Variants in LINGO2 observed in about 807,000 individuals in gnomAD.
LINGO2 encodes the protein leucine rich repeat and Ig domain containing 2.
A neutral mutation model predicts 30.6 loss-of-function variants in LINGO2; 14 were observed. The ratio of observed to expected loss-of-function variants is 0.46; its 90% CI spans 0.30 to 0.72. The LOEUF (loss-of-function observed/expected upper bound fraction) is 0.72. Among genes scored for constraint, LINGO2 ranks in the 30% least tolerant of loss-of-function variants. The pLI, the probability that LINGO2 is intolerant of heterozygous loss-of-function variation, is 0.07. For synonymous variants in LINGO2, 317 were observed against 288.5 expected (o/e 1.10, Z -1.00); for missense variants, 729 against 751.7 (o/e 0.97, Z 0.35).
chr9:29,023,392 A>G, the LINGO2 span, among the ~76,000 whole-genome samples: 1 of 152,170 alleles, frequency 6.6e-6, no homozygotes, highest in East Asian at 1.9e-4. Context: ...TTTATTTTTT[A>G]GCAAATTTCA....
At chr9:27,997,116 T>C (rs1821704482) in intron 5 of LINGO2, among the ~76,000 whole-genome samples, 1 of 152,214 alleles carries the variant, frequency 6.6e-6, no homozygotes, top group Non-Finnish European at 1.5e-5. Flanking sequence ...ACTTCTGACA[T>C]ATAATGACTC....
the LINGO2 span, among the ~76,000 whole-genome samples, chr9:29,165,323 T>C: frequency 6.6e-6 from 1 of 152,108 alleles, no homozygotes; most frequent in Non-Finnish European, 1.5e-5. Flanking sequence ...TTGAGAATAA[T>C]GACTCAAAGC....
At chr9:28,673,623 C>T (rs1046526716), upstream of LINGO2, among the ~76,000 whole-genome samples, 4 of 151,930 alleles carry the variant, frequency 2.6e-5, no homozygotes, top group East Asian at 1.9e-4. Flanking sequence ...GCCAAGATCA[C>T]GCCACTACAC....
the LINGO2 span, among the ~76,000 whole-genome samples, chr9:28,790,308 C>T: frequency 1.4e-5 from 2 of 145,352 alleles, no homozygotes; most frequent in African/African-American, 5.3e-5. Flanking sequence ...TTACTTTACC[C>T]ATCTTTTCTT....
chr9:28,530,150 G>A (rs1470298050), intron 1 of LINGO2, among the ~76,000 whole-genome samples: 1 of 151,924 alleles, frequency 6.6e-6, no homozygotes, highest in Non-Finnish European at 1.5e-5. Context: ...GGTGAAGGTG[G>A]CATATGAGAT....
chr9:28,236,344 G>GA (rs1397044321), intron 4 of LINGO2, among the ~76,000 whole-genome samples: 5 of 152,110 alleles, frequency 3.3e-5, no homozygotes, highest in Non-Finnish European at 7.4e-5. Flanking sequence ...TCTTCAATCT[G>GA]AAAAATAAAT....
the LINGO2 span, among the ~76,000 whole-genome samples, chr9:29,147,685 A>C: frequency 1.3e-5 from 2 of 152,072 alleles, no homozygotes; most frequent in African/African-American, 2.4e-5. Flanking sequence ...TAGCTTGATA[A>C]ATTTGATATT....
intron 1 of LINGO2, among the ~76,000 whole-genome samples, chr9:28,503,684 C>A (rs1275735192): frequency 2.0e-5 from 3 of 151,754 alleles, no homozygotes; most frequent in Non-Finnish European, 4.4e-5. Context: ...AGACATTATT[C>A]TTTGAAAAGA....
chr9:28,646,060 T>C (rs1827825984), intron 1 of LINGO2, among the ~76,000 whole-genome samples: 1 of 152,158 alleles, frequency 6.6e-6, no homozygotes, highest in African/African-American at 2.4e-5. Flanking sequence ...TTAGAAACTG[T>C]AGGCCAACTA....
chr9:28,623,184 T>C (rs1826491994), intron 1 of LINGO2, among the ~76,000 whole-genome samples: 1 of 152,092 alleles, frequency 6.6e-6, no homozygotes, highest in South Asian at 2.1e-4. Flanking sequence ...GTGAAGAAGC[T>C]TTTTAACTTG....
chr9:28,739,451 G>A, the LINGO2 span, among the ~76,000 whole-genome samples: 3 of 151,790 alleles, frequency 2.0e-5, no homozygotes, highest in Non-Finnish European at 4.4e-5. Flanking sequence ...AATCATGAAT[G>A]AAAAGAGTAA....
the LINGO2 span, among the ~76,000 whole-genome samples, chr9:29,073,851 T>C: frequency 8.5e-5 from 13 of 152,214 alleles, no homozygotes; most frequent in Non-Finnish European, 1.3e-4. Context: ...ATTTGACAAG[T>C]TGGATATCGC....
At chr9:28,185,016 T>C (rs1587164006) in intron 4 of LINGO2, among the ~76,000 whole-genome samples, 1 of 152,182 alleles carries the variant, frequency 6.6e-6, no homozygotes, top group East Asian at 1.9e-4. Flanking sequence ...GAGCTGGATT[T>C]ATGGGCAGGT....
the LINGO2 span, among the ~76,000 whole-genome samples, chr9:28,997,911 C>G: frequency 1.3e-5 from 2 of 152,072 alleles, no homozygotes; most frequent in Non-Finnish European, 2.9e-5. Context: ...TATCATGCAC[C>G]ATTGTGTGCT....
rs552937170 is a variant in LINGO2 at position 28,433,918 on chromosome 9, T to G, written c.-279+42022A>C. ...ATGAGTGGATAAAGAAAATGTGCTC[T>G]CTCTTTCTCTCTCTCTCTCTCTCTC... On this transcript the variant is annotated intron_variant, in intron 2 of 5. Transcript: ENST00000379992. Among the ~76,000 whole-genome samples, 161 of 57,188 alleles carry G rather than the reference T, an allele frequency of 2.8e-3. 4 individuals are homozygous for G. Among genetic ancestry groups the G allele is most frequent in the African/African-American group, 0.01 (152 of 14,944 alleles). 37.5% of individuals were successfully genotyped at this position (57,188 alleles called of 152,430 possible). A position where few individuals can be genotyped will look rare whatever the true frequency, so the allele number is the denominator to read the frequency against.
At chr9:28,314,811 C>A (rs930467591) in intron 3 of LINGO2, among the ~76,000 whole-genome samples, 2 of 151,858 alleles carry the variant, frequency 1.3e-5, no homozygotes, top group African/African-American at 2.4e-5. Context: ...GATGAAACCC[C>A]GTCTCTACTA....
chr9:29,147,844 A>G, the LINGO2 span, among the ~76,000 whole-genome samples: 1 of 152,088 alleles, frequency 6.6e-6, no homozygotes, highest in Non-Finnish European at 1.5e-5. Flanking sequence ...CTGCAAACTA[A>G]ATGAATGTAC....
the LINGO2 span, among the ~76,000 whole-genome samples, chr9:29,119,554 A>T: frequency 6.6e-6 from 1 of 150,716 alleles, no homozygotes; most frequent in South Asian, 2.1e-4. Context: ...CCCTAATTGA[A>T]TCATATTACA....
chr9:28,940,675 A>G, the LINGO2 span, among the ~76,000 whole-genome samples: 1 of 152,168 alleles, frequency 6.6e-6, no homozygotes, highest in Non-Finnish European at 1.5e-5. Flanking sequence ...TATGTGTGAG[A>G]AATAGAAATG....
Sources: gnomAD v4.1 joint callset for allele counts (sites outside exome capture counted in the v4.1 genomes callset) on GRCh38, gnomAD v4.1.1 for gene constraint, MANE v1.5 for transcripts, NCBI Gene and HGNC (gene_info 2026-07-23, HGNC 2026-07-21) for gene names.